WWOX: variants seen among roughly 807,000 people sequenced by gnomAD.
The protein encoded by WWOX is WW domain-containing oxidoreductase.
In WWOX, 69 loss-of-function variants were observed where a neutral mutation model predicts 46.2. That is an observed-to-expected ratio of 1.49 (90% CI 1.23 to 1.82). The LOEUF is 1.82. WWOX is among the 40% of genes most tolerant of loss of function. The pLI is 0.00. For missense variants in WWOX, 919 were observed against 542.6 expected (o/e 1.69, Z -6.89); for synonymous variants, 359 against 202.6 (o/e 1.77, Z -6.56).
intron 8 of WWOX, among the ~76,000 whole-genome samples, chr16:78,786,534 C>T (rs1327105804): frequency 6.6e-6 from 1 of 152,014 alleles, no homozygotes; most frequent in Non-Finnish European, 1.5e-5. Flanking sequence ...TAATGTTTTT[C>T]TTTTAATTGT....
intron 8 of WWOX, among the ~76,000 whole-genome samples, chr16:79,094,997 G>C (rs1398140133): frequency 6.6e-6 from 1 of 152,108 alleles, no homozygotes; most frequent in Non-Finnish European, 1.5e-5. Flanking sequence ...GGGCGACATG[G>C]TTCTGGCTTA....
intron 8 of WWOX, among the ~76,000 whole-genome samples, chr16:78,884,273 C>CAAAAAAA (rs71384384): frequency 1.7e-4 from 8 of 46,584 alleles, no homozygotes; most frequent in East Asian, 5.0e-4. Context: ...ACCCTGTCTC[C>CAAAAAAA]AAAAAAAAAA....
At chr16:79,022,119 T>C (rs373204971) in intron 8 of WWOX, among the ~76,000 whole-genome samples, 1 of 152,210 alleles carries the variant, frequency 6.6e-6, no homozygotes, top group African/African-American at 2.4e-5. Context: ...CAGAGGCACG[T>C]AGGCCTGAAA....
At chr16:79,082,971 G>C (rs989673747) in intron 8 of WWOX, among the ~76,000 whole-genome samples, 1 of 152,144 alleles carries the variant, frequency 6.6e-6, no homozygotes, top group African/African-American at 2.4e-5. Flanking sequence ...CTACATCAGA[G>C]AGTGGTGTGA....
At chr16:78,572,826 A>AG (rs2044751444) in intron 8 of WWOX, among the ~76,000 whole-genome samples, 1 of 152,060 alleles carries the variant, frequency 6.6e-6, no homozygotes, top group African/African-American at 2.4e-5. Flanking sequence ...CCATGGCGAG[A>AG]GATACACAGG....
chr16:78,925,835 G>A (rs898195013), intron 8 of WWOX, among the ~76,000 whole-genome samples: 1 of 152,138 alleles, frequency 6.6e-6, no homozygotes, highest in African/African-American at 2.4e-5. Flanking sequence ...TGAAGCCCTA[G>A]TTCTAGCCTA....
chr16:78,772,828 G>T (rs2050096937), intron 8 of WWOX, among the ~76,000 whole-genome samples: 1 of 152,028 alleles, frequency 6.6e-6, no homozygotes, highest in Non-Finnish European at 1.5e-5. Flanking sequence ...AGACCAGCCT[G>T]GACAACATAG....
At chr16:78,650,317 A>G (rs1436994697) in intron 8 of WWOX, among the ~76,000 whole-genome samples, 1 of 152,212 alleles carries the variant, frequency 6.6e-6, no homozygotes. Flanking sequence ...AGAATAACAT[A>G]CTGCTGTCTG....
intron 5 of WWOX, among the ~76,000 whole-genome samples, chr16:78,323,010 C>T (rs954490805): frequency 2.0e-5 from 3 of 152,160 alleles, no homozygotes; most frequent in African/African-American, 7.2e-5. Flanking sequence ...CCATTGCACT[C>T]CAGCCTGGGT....
At chr16:78,884,853 C>T (rs780964062) in intron 8 of WWOX, among the ~76,000 whole-genome samples, 4 of 152,290 alleles carry the variant, frequency 2.6e-5, no homozygotes, top group South Asian at 2.1e-4. Flanking sequence ...TCATATCTGA[C>T]AGTTGTTGAG....
At chr16:78,758,678 C>T (rs2049717825) in intron 8 of WWOX, among the ~76,000 whole-genome samples, 1 of 152,114 alleles carries the variant, frequency 6.6e-6, no homozygotes, top group Admixed American at 6.5e-5. Flanking sequence ...CAATCGTGTC[C>T]CCTTTCCTCC....
At chr16:79,179,703 T>C (rs2050871767) in intron 8 of WWOX, among the ~76,000 whole-genome samples, 1 of 152,190 alleles carries the variant, frequency 6.6e-6, no homozygotes, top group Non-Finnish European at 1.5e-5. Flanking sequence ...CCTTCTTTAG[T>C]TGGGTATGGC....
At chr16:78,112,420 ATG>A (rs1184815035) in intron 3 of WWOX, among the ~76,000 whole-genome samples, 6 of 137,590 alleles carry the variant, frequency 4.4e-5, no homozygotes, top group African/African-American at 1.8e-4. Context: ...TTCAAATGAC[ATG>A]TGTGTTTTTT....
At chr16:78,872,104 T>A (rs1014130072) in intron 8 of WWOX, among the ~76,000 whole-genome samples, 2 of 152,206 alleles carry the variant, frequency 1.3e-5, no homozygotes, top group Admixed American at 1.3e-4. Context: ...CCACTTCTAA[T>A]GAGGAATTAG....
chr16:78,263,327 A>G (rs1008561559), intron 5 of WWOX, among the ~76,000 whole-genome samples: 1 of 152,150 alleles, frequency 6.6e-6, no homozygotes, highest in African/African-American at 2.4e-5. Context: ...TGCATATTGG[A>G]CAGACCTGAG....
intron 8 of WWOX, among the ~76,000 whole-genome samples, chr16:78,621,829 T>A: frequency 6.6e-6 from 1 of 151,906 alleles, no homozygotes; most frequent in Non-Finnish European, 1.5e-5. Context: ...ATGGTCTCGA[T>A]CTCCTGACCT....
chr16:79,155,909 C>G (rs1426987060), intron 8 of WWOX, among the ~76,000 whole-genome samples: 2 of 150,920 alleles, frequency 1.3e-5, no homozygotes, highest in African/African-American at 4.9e-5. Context: ...TTTTTTTAAT[C>G]TAGGTACAAG....
At chr16:79,139,690 G>A (rs1418865099) in intron 8 of WWOX, among the ~76,000 whole-genome samples, 1 of 151,814 alleles carries the variant, frequency 6.6e-6, no homozygotes, top group Non-Finnish European at 1.5e-5. Flanking sequence ...TAATAAAATA[G>A]GTTTAGGGTG....
intron 8 of WWOX, among the ~76,000 whole-genome samples, chr16:78,763,292 T>A (rs2049839399): frequency 6.6e-6 from 1 of 152,264 alleles, no homozygotes; most frequent in Non-Finnish European, 1.5e-5. Context: ...TTCATTCTCA[T>A]TAATTCAAAA....
Sources: gnomAD v4.1 joint callset for allele counts (sites outside exome capture counted in the v4.1 genomes callset) on GRCh38, gnomAD v4.1.1 for gene constraint, MANE v1.5 for transcripts, NCBI Gene and HGNC (gene_info 2026-07-23, HGNC 2026-07-21) for gene names.